HS6ST3: variants seen among roughly 807,000 people sequenced by gnomAD.
The protein encoded by HS6ST3 is heparan-sulfate 6-O-sulfotransferase 3.
Under a neutral mutation model 36.7 loss-of-function variants are expected in HS6ST3, and 12 were observed. The ratio of observed to expected loss-of-function variants is 0.33; its 90% confidence interval spans 0.21 to 0.53. The LOEUF is 0.53. HS6ST3 is among the 20% of genes least tolerant of loss of function. The pLI is 0.95. For missense variants in HS6ST3, 584 were observed against 640.9 expected, an observed-to-expected ratio of 0.91 and a Z score of 0.96; for synonymous variants, 240 against 257.5, an observed-to-expected ratio of 0.93 and a Z score of 0.65.
intron 1 of HS6ST3, among the ~76,000 whole-genome samples, chr13:96,622,361 A>C (rs1388035654): frequency 4.6e-5 from 7 of 152,186 alleles, no homozygotes; most frequent in Non-Finnish European, 8.8e-5. Context: ...TTTCCTGTTA[A>C]ATTGTCAGCT....
chr13:96,332,702 G>T (rs1194648466), intron 1 of HS6ST3, among the ~76,000 whole-genome samples: 1 of 152,194 alleles, frequency 6.6e-6, no homozygotes, highest in African/African-American at 2.4e-5. Context: ...GAAACAAAAT[G>T]AAGGCATTTT....
At chr13:96,663,116 G>A (rs1404738405) in intron 1 of HS6ST3, among the ~76,000 whole-genome samples, 1 of 152,160 alleles carries the variant, frequency 6.6e-6, no homozygotes, top group Non-Finnish European at 1.5e-5. Flanking sequence ...CACCAGCCCT[G>A]ACAGGGGTGG....
At chr13:96,828,357 A>G (rs1033428368) in intron 1 of HS6ST3, among the ~76,000 whole-genome samples, 1 of 152,228 alleles carries the variant, frequency 6.6e-6, no homozygotes, top group Non-Finnish European at 1.5e-5. Context: ...TTTGACAAGT[A>G]GAATAACATT....
chr13:96,821,037 TA>T (rs981894846), intron 1 of HS6ST3, among the ~76,000 whole-genome samples: 6 of 152,252 alleles, frequency 3.9e-5, no homozygotes, highest in Admixed American at 2.6e-4. Context: ...TTAGGTGTGT[TA>T]AAAATGAATG....
intron 1 of HS6ST3, among the ~76,000 whole-genome samples, chr13:96,105,467 A>T (rs1358563081): frequency 2.6e-5 from 4 of 152,108 alleles, no homozygotes; most frequent in Non-Finnish European, 1.5e-5. Context: ...CCTGGCCAAC[A>T]TGGTGAAAAC....
chr13:96,648,591 C>T (rs2056597102), intron 1 of HS6ST3, among the ~76,000 whole-genome samples: 1 of 151,706 alleles, frequency 6.6e-6, no homozygotes. Context: ...CCTATCAACC[C>T]ATCACCTAGG....
chr13:96,512,670 T>C (rs752846730), intron 1 of HS6ST3, among the ~76,000 whole-genome samples: 6 of 152,198 alleles, frequency 3.9e-5, no homozygotes, highest in Non-Finnish European at 7.3e-5. Context: ...GGTTTATTAG[T>C]TATTTTTTCT....
At chr13:96,403,168 G>A (rs1250075606) in intron 1 of HS6ST3, among the ~76,000 whole-genome samples, 1 of 151,796 alleles carries the variant, frequency 6.6e-6, no homozygotes, top group Non-Finnish European at 1.5e-5. Flanking sequence ...TGTGCTTATT[G>A]GCCCTGCAAA....
chr13:96,196,042 T>G (rs1392112153), intron 1 of HS6ST3, among the ~76,000 whole-genome samples: 1 of 152,190 alleles, frequency 6.6e-6, no homozygotes, highest in Non-Finnish European at 1.5e-5. Flanking sequence ...ACTTGTGTGC[T>G]TTTTCCTCAA....
At chr13:96,738,173 C>T (rs569300203) in intron 1 of HS6ST3, among the ~76,000 whole-genome samples, 1 of 152,066 alleles carries the variant, frequency 6.6e-6, no homozygotes, top group African/African-American at 2.4e-5. Context: ...TTGATCACAC[C>T]CTATGTTCAC....
intron 1 of HS6ST3, among the ~76,000 whole-genome samples, chr13:96,519,914 C>T (rs74106499): frequency 1.3e-5 from 2 of 152,130 alleles, no homozygotes; most frequent in Non-Finnish European, 2.9e-5. Context: ...CCTTCAATAT[C>T]AAAAATGAAG....
intron 1 of HS6ST3, among the ~76,000 whole-genome samples, chr13:96,281,155 G>A (rs886097362): frequency 1.3e-4 from 20 of 152,062 alleles, no homozygotes; most frequent in South Asian, 6.2e-4. Context: ...ACAGGTGCGC[G>A]CCACCACACC....
chr13:96,162,928 C>T (rs916312662), intron 1 of HS6ST3, among the ~76,000 whole-genome samples: 1 of 151,942 alleles, frequency 6.6e-6, no homozygotes, highest in Non-Finnish European at 1.5e-5. Context: ...TCTACCATCC[C>T]CTTCCCAAAA....
intron 1 of HS6ST3, among the ~76,000 whole-genome samples, chr13:96,395,213 T>G (rs1169539467): frequency 2.6e-5 from 4 of 152,198 alleles, no homozygotes; most frequent in African/African-American, 7.2e-5. Flanking sequence ...TGTAAAAATT[T>G]TTATAGTACT....
intron 1 of HS6ST3, among the ~76,000 whole-genome samples, chr13:96,830,770 A>G (rs1475530483): frequency 6.6e-6 from 1 of 152,124 alleles, no homozygotes; most frequent in South Asian, 2.1e-4. Context: ...TTTTCAGAAT[A>G]TTGAGGGGCT....
chr13:96,104,881 A>G (rs768335636), intron 1 of HS6ST3, among the ~76,000 whole-genome samples: 2 of 152,128 alleles, frequency 1.3e-5, no homozygotes, highest in Non-Finnish European at 2.9e-5. Flanking sequence ...CCCAGGGAGC[A>G]TAAAATCCTT....
At chr13:96,530,046 G>A (rs896358271) in intron 1 of HS6ST3, among the ~76,000 whole-genome samples, 1 of 152,206 alleles carries the variant, frequency 6.6e-6, no homozygotes, top group African/African-American at 2.4e-5. Flanking sequence ...GATAGTCTCT[G>A]ATGAGCACTG....
intron 1 of HS6ST3, among the ~76,000 whole-genome samples, chr13:96,670,235 T>C (rs2056678513): frequency 6.6e-6 from 1 of 152,136 alleles, no homozygotes; most frequent in African/African-American, 2.4e-5. Flanking sequence ...TTAATGCTGC[T>C]TAGAGGTTGA....
At chr13:96,609,122 ACCACG>A (rs2056448900) in intron 1 of HS6ST3, among the ~76,000 whole-genome samples, 1 of 141,214 alleles carries the variant, frequency 7.1e-6, no homozygotes, top group Non-Finnish European at 1.7e-5. Flanking sequence ...GGCGCCCGCC[ACCACG>A]CCCAGCTAAT....
Sources: gnomAD v4.1 joint callset for allele counts (sites outside exome capture counted in the v4.1 genomes callset) on GRCh38, gnomAD v4.1.1 for gene constraint, MANE v1.5 for transcripts, NCBI Gene and HGNC (gene_info 2026-07-23, HGNC 2026-07-21) for gene names.